The following FBN2 variants were observed in gnomAD, a reference collection of about 807,000 sequenced individuals.
The protein encoded by FBN2 is fibrillin-2.
Under a neutral mutation model 355.6 loss-of-function variants are expected in FBN2, and 105 were observed. That is an observed-to-expected ratio of 0.30 (90% CI 0.25 to 0.35). The LOEUF is 0.35. Ranked by LOEUF, FBN2 falls within the 10% of genes least tolerant of loss-of-function variation. The pLI is 1.00. For missense variants in FBN2, 3,280 were observed against 3,758.7 expected (o/e 0.87, Z 3.33); for synonymous variants, 1,350 against 1,301.2 (o/e 1.04, Z -0.81).
intron 8 of FBN2, among the ~76,000 whole-genome samples, chr5:128,398,796 G>A (rs1393929896): frequency 6.6e-6 from 1 of 152,180 alleles, no homozygotes; most frequent in Non-Finnish European, 1.5e-5. Context: ...AATCACGGGG[G>A]CAGGACTTTC....
chr5:128,363,904 G>A (rs377541604), intron 18 of FBN2, among the ~76,000 whole-genome samples: 7 of 152,250 alleles, frequency 4.6e-5, no homozygotes, highest in East Asian at 3.9e-4. Context: ...CAGAAACACA[G>A]AAAAATCTGT....
At chr5:128,260,178 A>C (rs931729423) in intron 64 of FBN2, among the ~76,000 whole-genome samples, 4 of 152,182 alleles carry the variant, frequency 2.6e-5, no homozygotes, top group African/African-American at 9.6e-5. Context: ...TTTAAAAACT[A>C]AAATTTAGGT....
chr5:128,396,917 A>T (rs1442123013), intron 8 of FBN2, among the ~76,000 whole-genome samples: 1 of 152,192 alleles, frequency 6.6e-6, no homozygotes, highest in Non-Finnish European at 1.5e-5. Flanking sequence ...GTAAAGTTAA[A>T]ATTTTTAGCA....
At chr5:128,308,144 A>C (rs535784248) in intron 41 of FBN2, among the ~76,000 whole-genome samples, 1 of 152,266 alleles carries the variant, frequency 6.6e-6, no homozygotes, top group East Asian at 1.9e-4. Flanking sequence ...GAAAGGATAC[A>C]TACTCTGCAG....
intron 6 of FBN2, among the ~76,000 whole-genome samples, chr5:128,450,547 G>C (rs1402142539): frequency 6.6e-6 from 1 of 152,086 alleles, no homozygotes; most frequent in Non-Finnish European, 1.5e-5. Flanking sequence ...GTGGTGCTTA[G>C]AGGTAAATGT....
chr5:128,393,401 G>A, intron 9 of FBN2, 33 bp from the exon 10 acceptor site: 1 of 1,574,324 alleles, frequency 6.4e-7, no homozygotes, highest in Non-Finnish European at 8.7e-7. Context: ...TTAAGCACAG[G>A]TGAATGTCTT....
intron 61 of FBN2, 147 bp from the exon 62 acceptor site, chr5:128,272,265 G>C (rs1765286583): frequency 7.7e-6 from 7 of 912,438 alleles, no homozygotes; most frequent in Non-Finnish European, 8.6e-6. Flanking sequence ...ATTTTTCCAG[G>C]TCACATGGTT....
chr5:128,491,031 T>C (rs1238127743), intron 5 of FBN2, among the ~76,000 whole-genome samples: 1 of 151,220 alleles, frequency 6.6e-6, no homozygotes, highest in Non-Finnish European at 1.5e-5. Context: ...ATGTAATTTT[T>C]CCAAATGTTT....
intron 5 of FBN2, among the ~76,000 whole-genome samples, chr5:128,494,433 T>C (rs1046496286): frequency 6.6e-6 from 1 of 152,154 alleles, no homozygotes; most frequent in South Asian, 2.1e-4. Context: ...AGCTAAGAAG[T>C]CTTTTTGGAG....
chr5:128,278,150 C>T, intron 57 of FBN2, 145 bp from the exon 58 acceptor site: 1 of 793,506 alleles, frequency 1.3e-6, no homozygotes, highest in Non-Finnish European at 2.1e-6. Context: ...GTTCATCATT[C>T]AGGTGAACAG....
At chr5:128,536,088 G>C (rs969498433) in intron 2 of FBN2, among the ~76,000 whole-genome samples, 6 of 152,116 alleles carry the variant, frequency 3.9e-5, no homozygotes, top group African/African-American at 1.4e-4. Flanking sequence ...AAGTGGTTTT[G>C]AGTTATCTAG....
chr5:128,472,333 A>G (rs145031607), intron 5 of FBN2, among the ~76,000 whole-genome samples: 247 of 152,266 alleles, frequency 1.6e-3, no homozygotes, highest in African/African-American at 5.7e-3. Flanking sequence ...GACAGAAAGT[A>G]GAATGGTGGT....
At chr5:128,309,879 G>T in intron 40 of FBN2, 104 bp downstream of exon 40, 1 of 1,304,664 alleles carries the variant, frequency 7.7e-7, no homozygotes, top group Non-Finnish European at 1.1e-6. Flanking sequence ...CTCAATTCAC[G>T]AAGACTGAAC....
At chr5:128,298,827 T>C (rs1239026375) in intron 48 of FBN2, among the ~76,000 whole-genome samples, 1 of 152,246 alleles carries the variant, frequency 6.6e-6, no homozygotes, top group Non-Finnish European at 1.5e-5. Flanking sequence ...GAAGCCTTCT[T>C]CTCTCAGCTC....
intron 34 of FBN2, among the ~76,000 whole-genome samples, chr5:128,326,141 TTGTC>T: frequency 6.6e-6 from 1 of 152,330 alleles, no homozygotes; most frequent in African/African-American, 2.4e-5. Flanking sequence ...AGACACTACT[TTGTC>T]TGCTCTTTCA....
intron 48 of FBN2, among the ~76,000 whole-genome samples, chr5:128,295,350 T>G (rs1000851642): frequency 5.9e-5 from 9 of 151,656 alleles, no homozygotes; most frequent in African/African-American, 2.2e-4. Flanking sequence ...AACTTTAAAG[T>G]AGTTTTTTCC....
chr5:128,527,847 T>C, intron 4 of FBN2, 25 bp downstream of exon 4: 1 of 1,437,692 alleles, frequency 7.0e-7, no homozygotes, highest in South Asian at 1.1e-5. Flanking sequence ...AATCAAATGA[T>C]TTCTAATAAA....
At chr5:128,480,855 T>C (rs1282274279) in intron 5 of FBN2, among the ~76,000 whole-genome samples, 2 of 152,182 alleles carry the variant, frequency 1.3e-5, no homozygotes, top group African/African-American at 2.4e-5. Flanking sequence ...CATTATGTCA[T>C]GACAGTGATA....
intron 25 of FBN2, among the ~76,000 whole-genome samples, chr5:128,341,503 G>A (rs1751020013): frequency 1.3e-5 from 2 of 152,138 alleles, no homozygotes; most frequent in Non-Finnish European, 2.9e-5. Flanking sequence ...TAGTGTCGCT[G>A]GCAGAAAGCC....
Sources: gnomAD v4.1 joint callset for allele counts (sites outside exome capture counted in the v4.1 genomes callset) on GRCh38, gnomAD v4.1.1 for gene constraint, MANE v1.5 for transcripts, NCBI Gene and HGNC (gene_info 2026-07-23, HGNC 2026-07-21) for gene names.